CARM1: variants seen among roughly 807,000 people sequenced by gnomAD.
The protein encoded by CARM1 is histone-arginine methyltransferase CARM1.
In CARM1, 14 loss-of-function variants were observed where a neutral mutation model predicts 72.7. The ratio of observed to expected loss-of-function variants is 0.19; its 90% CI spans 0.13 to 0.30. CARM1 has a LOEUF of 0.30. CARM1 is among the 10% of genes least tolerant of loss of function. CARM1 has a pLI of 1.00. For missense variants in CARM1, 432 were observed against 833.7 expected, an observed-to-expected ratio of 0.52 and a Z score of 5.93; for synonymous variants, 333 against 345.5, an observed-to-expected ratio of 0.96 and a Z score of 0.40.
rs2074241792 is a variant in CARM1, at chr19:10,921,066, T to C, written c.1554T>C (p.Tyr518=). 1 of 1,614,034 alleles carries C rather than the reference T, an allele frequency of 6.2e-7. No individual in the cohort carries two copies. The highest frequency in any genetic ancestry group is 8.5e-7 in the Non-Finnish European group (1 of 1,179,994). The change falls in exon 14 of 16, where the codon TAT becomes TAC. Residue 518 remains tyrosine (Y), a synonymous_variant. Transcript: ENST00000327064. ...GMAVAGMPTA[Y]DLSSVIASGS... ...TGGACACAGGGATGCCGACCGCCTATGACTTGAGCAGTGTTATTGCCAGTG... is the reference window on the plus strand; with the variant it reads ...TGGACACAGGGATGCCGACCGCCTACGACTTGAGCAGTGTTATTGCCAGTG...
chr19:10,899,513 G>A (rs2145213515), intron 1 of CARM1, among the ~76,000 whole-genome samples: 1 of 152,274 alleles, frequency 6.6e-6, no homozygotes, highest in East Asian at 1.9e-4. Flanking sequence ...GAGGCTGTGA[G>A]TCTGGGGCAG....
At chr19:10,884,781 T>G (rs1191226297) in intron 1 of CARM1, among the ~76,000 whole-genome samples, 1 of 152,200 alleles carries the variant, frequency 6.6e-6, no homozygotes, top group African/African-American at 2.4e-5. Flanking sequence ...CTCAGCTCAC[T>G]GCAACCTCCG....
rs151113412 is a variant in CARM1 at position 10,885,534 on chromosome 19, A to T, written c.220+13612A>T. Among the ~76,000 whole-genome samples, 237 of 152,322 alleles carry T rather than the reference A, an allele frequency of 1.6e-3. 1 individual carries two copies. The highest frequency in any genetic ancestry group is 5.1e-3 in the African/African-American group (212 of 41,588). ...GAGGACTGCAGAAAGGCCCCTGGCC[A>T]ATCAGTGCTCTCGTGAAAGAGGGAT... On this transcript the variant is annotated intron_variant, in intron 1 of 15. Coordinates refer to ENST00000327064, the MANE Select transcript of CARM1 (RefSeq NM_199141.2).
chr19:10,905,394 GGCC>G (rs202091551), intron 2 of CARM1, among the ~76,000 whole-genome samples: 44,088 of 152,110 alleles, frequency 0.29, 6,440 homozygotes, highest in East Asian at 0.37. Context: ...GCTGTGACTG[GGCC>G]AGCTGTGGAT....
chr19:10,914,270 T>G (rs1291383292), intron 6 of CARM1, among the ~76,000 whole-genome samples: 3 of 152,132 alleles, frequency 2.0e-5, no homozygotes, highest in Admixed American at 6.5e-5. Context: ...AGCTGCCCAC[T>G]CGCCCAGACA....
chr19:10,890,128 T>C (rs1214519615), intron 1 of CARM1, among the ~76,000 whole-genome samples: 1 of 152,114 alleles, frequency 6.6e-6, no homozygotes, highest in East Asian at 1.9e-4. Context: ...CATGCAAGCC[T>C]GGGGTCCCAG....
In CARM1 at chr19:10,894,530, C is replaced by T. The variant is rs140394081; in HGVS notation, c.221-10421C>T. 7.9e-3 allele frequency among the ~76,000 whole-genome samples: 1,196 copies of T among 152,194 alleles called. 5 individuals are homozygous for T. The highest frequency in any genetic ancestry group is 0.013 in the Non-Finnish European group (881 of 68,016). On this transcript the variant is annotated intron_variant, in intron 1 of 15. Coordinates refer to ENST00000327064, the MANE Select transcript of CARM1 (RefSeq NM_199141.2). ...GGAGGCGATTTAATACAAGACGTAC[C>T]ATTTGGACAACGGCTTCTACAGCTA...
At chr19:10,904,817 AG>A (rs2074090867) in intron 1 of CARM1, 133 bp from the exon 2 acceptor site, 1 of 1,154,418 alleles carries the variant, frequency 8.7e-7, no homozygotes, top group Non-Finnish European at 1.2e-6. Context: ...CAATGCTGCC[AG>A]GGTGGTTTTG....
At chr19:10,889,862 T>C (rs886208969) in intron 1 of CARM1, among the ~76,000 whole-genome samples, 10 of 152,136 alleles carry the variant, frequency 6.6e-5, no homozygotes, top group Non-Finnish European at 5.9e-5. Context: ...AAGGAAACCT[T>C]GCCCATGGAA....
chr19:10,906,490 T>C (rs2074105063), intron 2 of CARM1, among the ~76,000 whole-genome samples: 1 of 152,256 alleles, frequency 6.6e-6, no homozygotes, highest in South Asian at 2.1e-4. Flanking sequence ...AGTCTCGCTC[T>C]GTCACCCAGG....
At chr19:10,901,114 C>G (rs1277996061) in intron 1 of CARM1, among the ~76,000 whole-genome samples, 1 of 152,018 alleles carries the variant, frequency 6.6e-6, no homozygotes, top group Admixed American at 6.6e-5. Flanking sequence ...TCCTGAGTAG[C>G]TGGGACTACA....
chr19:10,874,681 C>G (rs935270892), intron 1 of CARM1, among the ~76,000 whole-genome samples: 1 of 152,118 alleles, frequency 6.6e-6, no homozygotes, highest in African/African-American at 2.4e-5. Flanking sequence ...CATGAGCCAC[C>G]GCACCGCCCT....
intron 1 of CARM1, among the ~76,000 whole-genome samples, chr19:10,903,807 T>C (rs1053528191): frequency 6.6e-6 from 1 of 152,102 alleles, no homozygotes; most frequent in African/African-American, 2.4e-5. Flanking sequence ...CAGTCATGAC[T>C]CACTGTAGCC....
intron 1 of CARM1, among the ~76,000 whole-genome samples, chr19:10,890,720 AAT>A: frequency 1.4e-5 from 2 of 147,272 alleles, no homozygotes; most frequent in South Asian, 4.3e-4. Context: ...TATACACATG[AAT>A]ATATAGACAC....
intron 8 of CARM1, among the ~76,000 whole-genome samples, chr19:10,917,025 A>G (rs1426765962): frequency 1.3e-5 from 2 of 152,192 alleles, no homozygotes; most frequent in South Asian, 2.1e-4. Flanking sequence ...GTTCAAGATC[A>G]GCCTGGGCAA....
chr19:10,921,457 C>CG lies in CARM1; in HGVS notation c.1684+19dup. 6.3e-7 allele frequency: 1 copy of CG among 1,597,010 alleles called. No homozygotes were observed. The highest frequency in any genetic ancestry group is 8.5e-7 in the Non-Finnish European group (1 of 1,171,088). ...GGATTGTCCAAGGTAACGAGGGTGG[C>CG]GGGGGCAGGGCCCGTGGGGGCCGAG... On this transcript the variant is annotated intron_variant, in intron 15 of 15. Transcript: ENST00000327064.
At chr19:10,875,504 A>G (rs758527591) in intron 1 of CARM1, among the ~76,000 whole-genome samples, 5 of 151,764 alleles carry the variant, frequency 3.3e-5, no homozygotes, top group Middle Eastern at 3.4e-3. Flanking sequence ...CGCTTACTGC[A>G]AGCTCTGCCT....
In CARM1 at chr19:10,916,854, C is replaced by T. The variant is rs1036259221; in HGVS notation, c.1020+77C>T. On this transcript the variant is annotated intron_variant, in intron 8 of 15. Transcript: ENST00000327064. This position sits in a 1 kb window ranked among gnomAD's most constrained non-coding sequence, Gnocchi z 4.4. Reference sequence around the variant, plus strand: ...CAGCTGTGCAGCCCTCAGGAAGCTACAGCCCCTCTCTGAGCCCTCTCCTCT... The same window carrying T: ...CAGCTGTGCAGCCCTCAGGAAGCTATAGCCCCTCTCTGAGCCCTCTCCTCT... 5 of 1,128,182 alleles carry T rather than the reference C, an allele frequency of 4.4e-6. No individual in the cohort carries two copies. The African/African-American group carries it at 7.7e-5, about 17-fold the overall frequency. The allele number at this position is 1,128,182 out of a possible 1,614,324, so 69.9% of individuals were successfully genotyped here. A position where few individuals can be genotyped will look rare whatever the true frequency, so the allele number is the denominator to read the frequency against.
At chr19:10,898,559 G>A (rs953634582) in intron 1 of CARM1, among the ~76,000 whole-genome samples, 5 of 152,206 alleles carry the variant, frequency 3.3e-5, no homozygotes, top group Admixed American at 3.3e-4. Flanking sequence ...CCCCTTCCGC[G>A]GCTCCCATAC....
Sources: allele counts gnomAD v4.1 joint callset (sites outside exome capture counted in the v4.1 genomes callset), GRCh38; gene constraint gnomAD v4.1.1; non-coding constraint Gnocchi (gnomAD v3.1); transcripts MANE v1.5; gene names NCBI Gene and HGNC (gene_info 2026-07-23, HGNC 2026-07-21).